SPOCK3: variants seen among roughly 807,000 people sequenced by gnomAD.
The protein encoded by SPOCK3 is testican-3.
Under a neutral mutation model 56.6 loss-of-function variants are expected in SPOCK3, and 30 were observed. That is an observed-to-expected ratio of 0.53 (90% CI 0.40 to 0.72). SPOCK3 has a LOEUF of 0.72. SPOCK3 is among the 30% of genes least tolerant of loss of function. The pLI is 0.00. For missense variants in SPOCK3, 527 were observed against 530.0 expected, an observed-to-expected ratio of 0.99 and a Z score of 0.06; for synonymous variants, 196 against 183.3, an observed-to-expected ratio of 1.07 and a Z score of -0.56.
At chr4:167,171,675 G>A (rs1730508981) in intron 2 of SPOCK3, among the ~76,000 whole-genome samples, 2 of 152,050 alleles carry the variant, frequency 1.3e-5, no homozygotes, top group South Asian at 2.1e-4. Flanking sequence ...AAACCCTAGG[G>A]AAGTAAGAAT....
At position 166,953,127 on chromosome 4, in the gene SPOCK3, T is replaced by G. The variant is rs201498176; in HGVS notation, c.351-40384A>C. Among the ~76,000 whole-genome samples, 92 of 151,534 alleles carry G rather than the reference T, an allele frequency of 6.1e-4. 2 individuals are homozygous for G. In the East Asian group the frequency reaches 9.5e-3, roughly 16 times the overall value. ...AGAGCTTCTGCACAGCAAAAGAAACTACCATCAGAGTGAACAGGCAACCTA... is the reference window on the plus strand; with the variant it reads ...AGAGCTTCTGCACAGCAAAAGAAACGACCATCAGAGTGAACAGGCAACCTA... On this transcript the variant is annotated intron_variant, in intron 4 of 10. Coordinates refer to ENST00000357545, the MANE Select transcript of SPOCK3 (RefSeq NM_001040159.2).
intron 2 of SPOCK3, among the ~76,000 whole-genome samples, chr4:167,218,717 C>T (rs1055674003): frequency 6.6e-6 from 1 of 152,026 alleles, no homozygotes; most frequent in Admixed American, 6.6e-5. Context: ...AGACCACCTT[C>T]CCATTTTAAA....
At chr4:166,835,909 G>A (rs1159497906) in intron 6 of SPOCK3, among the ~76,000 whole-genome samples, 1 of 152,164 alleles carries the variant, frequency 6.6e-6, no homozygotes, top group Non-Finnish European at 1.5e-5. Flanking sequence ...AGGAGGCTGA[G>A]GCAGGAGAAT....
chr4:166,747,079 T>C (rs1735722768), intron 8 of SPOCK3, among the ~76,000 whole-genome samples: 1 of 55,520 alleles, frequency 1.8e-5, no homozygotes, highest in Admixed American at 1.6e-4. Context: ...GTACCATTCC[T>C]TCTGAAACTA....
intron 10 of SPOCK3, among the ~76,000 whole-genome samples, chr4:166,735,703 C>T (rs1734150328): frequency 6.6e-6 from 1 of 151,788 alleles, no homozygotes; most frequent in Admixed American, 6.6e-5. Flanking sequence ...GTCCATGAAC[C>T]AAGGGATGAG....
intron 2 of SPOCK3, among the ~76,000 whole-genome samples, chr4:167,215,074 C>T (rs1420554073): frequency 6.6e-6 from 1 of 151,520 alleles, no homozygotes; most frequent in Non-Finnish European, 1.5e-5. Context: ...AGTTTAAATG[C>T]AAAAATCAAA....
intron 2 of SPOCK3, among the ~76,000 whole-genome samples, chr4:167,207,293 A>C (rs1216942787): frequency 1.3e-5 from 2 of 152,048 alleles, no homozygotes; most frequent in African/African-American, 2.4e-5. Context: ...ACCTGCTTAT[A>C]GAGGTAAATG....
intron 2 of SPOCK3, among the ~76,000 whole-genome samples, chr4:167,159,009 C>T (rs1002383624): frequency 6.6e-6 from 1 of 151,954 alleles, no homozygotes; most frequent in Non-Finnish European, 1.5e-5. Context: ...AAACATCTTA[C>T]TTGAGCTCAA....
At chr4:166,969,852 C>A (rs987405623) in intron 4 of SPOCK3, among the ~76,000 whole-genome samples, 4 of 152,128 alleles carry the variant, frequency 2.6e-5, no homozygotes, top group South Asian at 2.1e-4. Context: ...ATACCTATAG[C>A]CATTGCCTAT....
intron 3 of SPOCK3, among the ~76,000 whole-genome samples, chr4:167,004,817 T>C (rs1749309092): frequency 6.6e-6 from 1 of 152,096 alleles, no homozygotes; most frequent in Admixed American, 6.6e-5. Context: ...AGAAAAAAAA[T>C]ACAGCAAGTT....
chr4:167,220,368 A>G (rs1347900151), intron 2 of SPOCK3, among the ~76,000 whole-genome samples: 2 of 135,078 alleles, frequency 1.5e-5, no homozygotes, highest in African/African-American at 5.7e-5. Flanking sequence ...AACAACAGAT[A>G]CTGTAAGAAC....
intron 4 of SPOCK3, among the ~76,000 whole-genome samples, chr4:166,975,903 G>T (rs762509975): frequency 2.0e-5 from 3 of 151,926 alleles, no homozygotes; most frequent in Non-Finnish European, 2.9e-5. Flanking sequence ...ACATTTTCTT[G>T]ATCTGTTCAT....
chr4:167,064,192 C>T (rs781631220), intron 2 of SPOCK3, among the ~76,000 whole-genome samples: 9 of 151,242 alleles, frequency 6.0e-5, no homozygotes, highest in African/African-American at 1.2e-4. Flanking sequence ...TAATTGCACC[C>T]CACCAATTTC....
At chr4:166,868,808 AG>A (rs1364015265) in intron 6 of SPOCK3, among the ~76,000 whole-genome samples, 1 of 152,126 alleles carries the variant, frequency 6.6e-6, no homozygotes, top group Non-Finnish European at 1.5e-5. Context: ...ACTTGGAATC[AG>A]GGCCTATTTA....
rs947336757 is a variant in SPOCK3 at position 167,021,620 on chromosome 4, T to C, written c.236-21157A>G. On this transcript the variant is annotated intron_variant, in intron 3 of 10. Transcript: ENST00000357545. ...CTCCGGTCGATTTCCCCAGATCAGATTGATAAAACTGGCACCAACTAACTT... is the reference window on the plus strand; with the variant it reads ...CTCCGGTCGATTTCCCCAGATCAGACTGATAAAACTGGCACCAACTAACTT... 3.3e-5 allele frequency among the ~76,000 whole-genome samples: 5 copies of C among 152,050 alleles called. No individual in the cohort carries two copies. In the South Asian group the frequency reaches 8.3e-4, roughly 25 times the overall value.
At chr4:166,747,295 T>C (rs1359167281) in intron 8 of SPOCK3, among the ~76,000 whole-genome samples, 3 of 152,184 alleles carry the variant, frequency 2.0e-5, no homozygotes, top group African/African-American at 4.8e-5. Flanking sequence ...CATGATCAAG[T>C]TGGCTTCATC....
At chr4:166,768,086 G>T (rs999708201) in intron 7 of SPOCK3, among the ~76,000 whole-genome samples, 1 of 151,778 alleles carries the variant, frequency 6.6e-6, no homozygotes, top group African/African-American at 2.4e-5. Flanking sequence ...GTGTGTCTCT[G>T]CATGTGAGAT....
At chr4:166,811,880 G>A (rs1424566781) in intron 6 of SPOCK3, among the ~76,000 whole-genome samples, 2 of 151,650 alleles carry the variant, frequency 1.3e-5, no homozygotes, top group Admixed American at 6.6e-5. Flanking sequence ...TTAGGAAAAT[G>A]TTTTCATTTT....
At chr4:166,949,960 G>A (rs748927976) in intron 4 of SPOCK3, among the ~76,000 whole-genome samples, 13 of 150,786 alleles carry the variant, frequency 8.6e-5, no homozygotes, top group South Asian at 2.1e-4. Context: ...AGGAACAATC[G>A]GTACCAGCCA....
Sources: gnomAD v4.1 joint callset for allele counts (sites outside exome capture counted in the v4.1 genomes callset) on GRCh38, gnomAD v4.1.1 for gene constraint, MANE v1.5 for transcripts, NCBI Gene and HGNC (gene_info 2026-07-23, HGNC 2026-07-21) for gene names.